Variants in MIPEP observed in about 807,000 individuals in gnomAD.
MIPEP encodes mitochondrial intermediate peptidase.
A neutral mutation model predicts 90.3 loss-of-function variants in MIPEP; 79 were observed. The ratio of observed to expected loss-of-function variants is 0.87; its 90% CI spans 0.73 to 1.05. MIPEP has a LOEUF of 1.05. MIPEP is among the 50% of genes least tolerant of loss of function. The pLI, the probability that MIPEP is intolerant of heterozygous loss-of-function variation, is 0.00. For synonymous variants in MIPEP, 334 were observed against 315.8 expected (o/e 1.06, Z -0.61); for missense variants, 940 against 905.6 (o/e 1.04, Z -0.49).
At chr13:23,879,761 T>G (rs145029806) in intron 3 of MIPEP, among the ~76,000 whole-genome samples, 150 of 152,268 alleles carry the variant, frequency 9.9e-4, no homozygotes, top group African/African-American at 3.5e-3. Flanking sequence ...GCCACCCAAC[T>G]GGGATGCAAG....
intron 15 of MIPEP, among the ~76,000 whole-genome samples, chr13:23,807,616 T>C (rs1363924791): frequency 6.6e-6 from 1 of 152,202 alleles, no homozygotes; most frequent in East Asian, 1.9e-4. Flanking sequence ...TATAGCTAAA[T>C]ATAGCTCTTT....
intron 16 of MIPEP, among the ~76,000 whole-genome samples, chr13:23,794,827 T>C (rs1277694299): frequency 1.3e-5 from 2 of 152,206 alleles, no homozygotes; most frequent in East Asian, 3.8e-4. Context: ...TGAAACCATA[T>C]AAATTTTTAG....
chr13:23,814,957 C>G (rs905903412), intron 14 of MIPEP, among the ~76,000 whole-genome samples: 2 of 152,162 alleles, frequency 1.3e-5, no homozygotes, highest in African/African-American at 4.8e-5. Context: ...GGATGTTGGG[C>G]AACTTACTGA....
At chr13:23,800,280 A>T (rs1797847528) in intron 16 of MIPEP, among the ~76,000 whole-genome samples, 1 of 152,206 alleles carries the variant, frequency 6.6e-6, no homozygotes, top group Non-Finnish European at 1.5e-5. Context: ...GTCAGAGAGG[A>T]GGGTGAAAAT....
chr13:23,795,299 C>G (rs1256220076), intron 16 of MIPEP, among the ~76,000 whole-genome samples: 2 of 152,120 alleles, frequency 1.3e-5, no homozygotes, highest in Non-Finnish European at 2.9e-5. Context: ...TTTAACCCGC[C>G]TGGGGCTCCA....
intron 10 of MIPEP, among the ~76,000 whole-genome samples, chr13:23,844,976 C>G (rs138139503): frequency 1.3e-5 from 2 of 152,180 alleles, no homozygotes; most frequent in African/African-American, 4.8e-5. Context: ...ACTGTCTTGT[C>G]CCCTGGCTCA....
chr13:23,870,533 A>C (rs1471386288), intron 5 of MIPEP, among the ~76,000 whole-genome samples: 1 of 152,156 alleles, frequency 6.6e-6, no homozygotes, highest in East Asian at 1.9e-4. Context: ...TGCCAGGTGC[A>C]GTGACTCACG....
chr13:23,802,509 A>C (rs923649152), intron 16 of MIPEP, among the ~76,000 whole-genome samples: 1 of 152,168 alleles, frequency 6.6e-6, no homozygotes, highest in African/African-American at 2.4e-5. Flanking sequence ...CAAAGGTTGC[A>C]GTGAGCCGAG....
rs530654753 is a variant in MIPEP, at chr13:23,782,922, T to G, written c.1849-22705A>C. On this transcript the variant is annotated intron_variant, in intron 16 of 18. Coordinates refer to ENST00000382172, the MANE Select transcript of MIPEP (RefSeq NM_005932.4). ...CTAAACCAGGAAGAAGTTGAATCCC[T>G]GAATAGACCAATAACAGGCTCTGAA... Among the ~76,000 whole-genome samples, 16 of 152,298 alleles carry G rather than the reference T, an allele frequency of 1.1e-4. No individual in the cohort carries two copies. In the East Asian group the frequency reaches 2.7e-3, roughly 26 times the overall value.
intron 18 of MIPEP, among the ~76,000 whole-genome samples, chr13:23,735,958 G>A (rs1952259367): frequency 6.6e-6 from 1 of 152,040 alleles, no homozygotes; most frequent in South Asian, 2.1e-4. Flanking sequence ...AGAAAAACTG[G>A]ATTTGGATTT....
At chr13:23,816,338 T>C (rs1953237750) in intron 14 of MIPEP, among the ~76,000 whole-genome samples, 1 of 152,160 alleles carries the variant, frequency 6.6e-6, no homozygotes, top group Non-Finnish European at 1.5e-5. Flanking sequence ...CTTGGTTTTG[T>C]TTTTGTTTCC....
intron 10 of MIPEP, among the ~76,000 whole-genome samples, chr13:23,845,930 T>G (rs1277861623): frequency 6.6e-6 from 1 of 151,928 alleles, no homozygotes; most frequent in African/African-American, 2.4e-5. Context: ...TAATTTTTTT[T>G]TTTTTTGAGA....
At chr13:23,885,883 C>T (rs1281714596) in intron 2 of MIPEP, among the ~76,000 whole-genome samples, 9 of 146,390 alleles carry the variant, frequency 6.1e-5, no homozygotes, top group East Asian at 2.0e-4. Context: ...AAGATCAGCC[C>T]GGGCAACACA....
chr13:23,785,498 A>T (rs1015072845), intron 16 of MIPEP, among the ~76,000 whole-genome samples: 3 of 149,872 alleles, frequency 2.0e-5, no homozygotes, highest in Admixed American at 6.7e-5. Context: ...GGGGGGAGGG[A>T]AAGCATTAGG....
chr13:23,867,949 AAT>A (rs1491295242), intron 7 of MIPEP, among the ~76,000 whole-genome samples: 2,784 of 148,588 alleles, frequency 0.019, 87 homozygotes, highest in African/African-American at 0.064. Context: ...ATAAATATAA[AAT>A]AAAAATATGG....
At position 23,755,061 on chromosome 13, in the gene MIPEP, T is replaced by C. The variant is rs188982373; in HGVS notation, c.2044+1484A>G. On this transcript the variant is annotated intron_variant, in intron 18 of 18. Transcript: ENST00000382172. Reference sequence around the variant, plus strand: ...AACGGGGATCATAACTCCTACCTCATAGGGTTACTAAGAAGAGTCAATCAA... The same window carrying C: ...AACGGGGATCATAACTCCTACCTCACAGGGTTACTAAGAAGAGTCAATCAA... 2.4e-3 allele frequency among the ~76,000 whole-genome samples: 369 copies of C among 152,316 alleles called. 2 individuals are homozygous for C. Among genetic ancestry groups the C allele is most frequent in the African/African-American group, 8.2e-3 (342 of 41,562 alleles).
At chr13:23,756,314 C>T in intron 18 of MIPEP, 1 of 442,030 alleles carries the variant, frequency 2.3e-6, no homozygotes, top group South Asian at 2.1e-5. Flanking sequence ...GCCACCACGC[C>T]CAGCTATTTT....
chr13:23,843,731 A>G (rs986059233), intron 10 of MIPEP, among the ~76,000 whole-genome samples: 1 of 152,182 alleles, frequency 6.6e-6, no homozygotes, highest in Admixed American at 6.5e-5. Flanking sequence ...ACAGACTTCC[A>G]GGCTTCAGAG....
chr13:23,760,213 C>G lies in MIPEP; in HGVS notation c.1853G>C (p.Trp618Ser), dbSNP rs1318011686. The change falls in exon 17 of 19, where the codon TGG (tryptophan) becomes TCG (serine). Residue 618 changes from tryptophan (W) to serine (S), a missense_variant. Transcript: ENST00000382172. ...CACGAGGTGGCTGAATCGCAGCTGC[C>G]AGGCCTGCCAAGAACAGAGAGACAC... ...YGLPYVPNTA[W>S]QLRFSHLVGY... 1 of 1,614,004 alleles carries G rather than the reference C, an allele frequency of 6.2e-7. No homozygotes were observed. Among genetic ancestry groups the G allele is most frequent in the Admixed American group, 1.7e-5 (1 of 60,008 alleles).
Sources: gnomAD v4.1 joint callset for allele counts (sites outside exome capture counted in the v4.1 genomes callset) on GRCh38, gnomAD v4.1.1 for gene constraint, MANE v1.5 for transcripts, NCBI Gene and HGNC (gene_info 2026-07-23, HGNC 2026-07-21) for gene names.